Variants in EVC2 observed in about 807,000 individuals in gnomAD.
The protein encoded by EVC2 is limbin.
In EVC2, 148 loss-of-function variants were observed where a neutral mutation model predicts 149.3. The observed-to-expected ratio is 0.99, with a 90% CI of 0.87 to 1.14. The LOEUF (loss-of-function observed/expected upper bound fraction) is 1.14. Ranked by LOEUF, EVC2 falls within the 50% of genes most tolerant of loss-of-function variation. The pLI, the probability that EVC2 is intolerant of heterozygous loss-of-function variation, is 0.00. For missense variants in EVC2, 1,854 were observed against 1,627.3 expected, an observed-to-expected ratio of 1.14 and a Z score of -2.40; for synonymous variants, 776 against 649.9, an observed-to-expected ratio of 1.19 and a Z score of -2.95.
chr4:5,625,785 T>C lies in EVC2; in HGVS notation c.2010A>G (p.Lys670=). The stretch of plus-strand genomic sequence containing the variant: ...ACTCTCGTCTTCTCTTAGTTATTAA[T>C]TTTTGGTGGAGCTTTTTCTTTTCCT... The part of the protein sequence containing the change: ...LKQEKKKLHQ[K]LITKRRRELL... Residue 670 remains lysine, a synonymous_variant, in exon 13 of 22, where the codon AAA becomes AAG. Coordinates refer to ENST00000344408, the MANE Select transcript of EVC2 (RefSeq NM_147127.5). This position sits in a 1 kb window ranked among gnomAD's most constrained non-coding sequence, Gnocchi z 4.0. 1 of 1,614,110 alleles carries C rather than the reference T, an allele frequency of 6.2e-7. No homozygotes were observed. Among genetic ancestry groups the C allele is most frequent in the Non-Finnish European group, 8.5e-7 (1 of 1,179,998 alleles).
chr4:5,662,238 T>G (rs1195490351), intron 9 of EVC2, among the ~76,000 whole-genome samples: 2 of 152,012 alleles, frequency 1.3e-5, no homozygotes, highest in Non-Finnish European at 2.9e-5. Context: ...CTTGGAAAGC[T>G]TCTTCATAAG....
chr4:5,649,214 T>C (rs1353381288), intron 9 of EVC2, among the ~76,000 whole-genome samples: 2 of 152,216 alleles, frequency 1.3e-5, no homozygotes, highest in Non-Finnish European at 2.9e-5. Flanking sequence ...ATTTGTTTTT[T>C]TGAGGTCACA....
intron 6 of EVC2, 130 bp downstream of exon 6, chr4:5,685,240 C>A (rs957726): frequency 1.1e-6 from 1 of 896,854 alleles, no homozygotes; most frequent in Non-Finnish European, 1.8e-6. Flanking sequence ...AGGGCCTATG[C>A]CCTTATCTGC....
chr4:5,565,383 T>A, intron 20 of EVC2, 24 bp from the exon 21 acceptor site: 5 of 1,611,616 alleles, frequency 3.1e-6, no homozygotes, highest in Non-Finnish European at 4.2e-6. Flanking sequence ...GGGAGTCTTA[T>A]AGTTTCAAAA....
chr4:5,631,218 C>T (rs952191113), intron 11 of EVC2, among the ~76,000 whole-genome samples: 1 of 152,144 alleles, frequency 6.6e-6, no homozygotes, highest in African/African-American at 2.4e-5. Context: ...TACATGCACA[C>T]ATACATGCAT....
chr4:5,689,409 T>C (rs1720953450), intron 4 of EVC2, 66 bp from the exon 5 acceptor site: 1 of 1,546,350 alleles, frequency 6.5e-7, no homozygotes, highest in Non-Finnish European at 8.9e-7. Context: ...AAATGGGGCA[T>C]GAGCCCAGCC....
Position 5,663,211 on chromosome 4 carries a change from C to T in EVC2, c.1041G>A (p.Pro347=), listed in dbSNP as rs778170817. The change falls in exon 9 of 22, where the codon CCG becomes CCA. Residue 347 remains proline (P), a synonymous_variant. Transcript: ENST00000344408. ...CATTCACGCCATCAGCTGAGGTGAA[C>T]GGCAAGGGTTCCAGCTTGCTCTCAT... ...WQYESKLEPL[P]FTSADGVNED... is the part of the protein sequence containing the mutation. The T allele has an allele frequency of 3.8e-5, 61 of 1,613,980 alleles. No individual in the cohort carries two copies. The highest frequency in any genetic ancestry group is 8.9e-5 in the East Asian group (4 of 44,884).
At chr4:5,564,853 T>G (rs1722173158) in intron 21 of EVC2, among the ~76,000 whole-genome samples, 1 of 152,200 alleles carries the variant, frequency 6.6e-6, no homozygotes, top group Non-Finnish European at 1.5e-5. Context: ...TCATGACCAC[T>G]GTTTACCAGC....
chr4:5,701,611 C>CT (rs766802024), intron 1 of EVC2, among the ~76,000 whole-genome samples: 2 of 152,174 alleles, frequency 1.3e-5, no homozygotes, highest in Non-Finnish European at 2.9e-5. Context: ...CTGAGGTGAG[C>CT]TCATCCAGGC....
chr4:5,612,796 C>A (rs1366717891), intron 16 of EVC2, among the ~76,000 whole-genome samples: 3 of 151,656 alleles, frequency 2.0e-5, no homozygotes, highest in Non-Finnish European at 2.9e-5. Flanking sequence ...GTAGCGGGCG[C>A]CTGTAGTCCC....
At chr4:5,644,249 T>C (rs913895748) in intron 9 of EVC2, among the ~76,000 whole-genome samples, 6 of 152,236 alleles carry the variant, frequency 3.9e-5, no homozygotes, top group Admixed American at 2.6e-4. Flanking sequence ...CCTTCTTTTT[T>C]TGAGTGACCT....
the EVC2 span, among the ~76,000 whole-genome samples, chr4:5,529,785 G>A: frequency 6.6e-6 from 1 of 150,684 alleles, no homozygotes; most frequent in African/African-American, 2.4e-5. The surrounding 1 kb of genome is among the most constrained non-coding windows in gnomAD (Gnocchi z 4.5). Context: ...TGATGATACA[G>A]AAATGGGAAG....
intron 16 of EVC2, among the ~76,000 whole-genome samples, chr4:5,599,048 A>G (rs1036273944): frequency 6.6e-6 from 1 of 152,062 alleles, no homozygotes; most frequent in African/African-American, 2.4e-5. Context: ...TTAGAATGGC[A>G]ATCATTAAAA....
intron 16 of EVC2, among the ~76,000 whole-genome samples, chr4:5,606,604 C>G (rs1476770183): frequency 6.6e-6 from 1 of 152,030 alleles, no homozygotes; most frequent in Non-Finnish European, 1.5e-5. Context: ...ATTTACAATG[C>G]CCAGCATCCA....
intron 9 of EVC2, among the ~76,000 whole-genome samples, chr4:5,658,542 T>C (rs1272228814): frequency 6.6e-6 from 1 of 152,246 alleles, no homozygotes; most frequent in African/African-American, 2.4e-5. Context: ...AGAGGTAATG[T>C]TGGTAGCATC....
chr4:5,600,337 T>C (rs949908480), intron 16 of EVC2, among the ~76,000 whole-genome samples: 1 of 152,198 alleles, frequency 6.6e-6, no homozygotes, highest in Non-Finnish European at 1.5e-5. Context: ...CATTATTACA[T>C]AGGATTTCTT....
chr4:5,556,094 G>C (rs1721832724), intron 21 of EVC2, among the ~76,000 whole-genome samples: 1 of 138,684 alleles, frequency 7.2e-6, no homozygotes, highest in Non-Finnish European at 1.5e-5. Context: ...CAGGAGAATT[G>C]CTTGAAGCCA....
At chr4:5,624,138 A>G (rs1715933712) in intron 13 of EVC2, among the ~76,000 whole-genome samples, 1 of 152,158 alleles carries the variant, frequency 6.6e-6, no homozygotes, top group African/African-American at 2.4e-5. Context: ...AGAAATGGGG[A>G]AAGAACCTGC....
rs547019353 is a variant in EVC2 at position 5,613,940 on chromosome 4, G to A, written c.2829+1482C>T. ...GCTCTTGGCGAGATCGTGCATTCGT[G>A]TTCTGAGAAATACACCGGCACTAAA... On this transcript the variant is annotated intron_variant, in intron 16 of 21. Coordinates refer to ENST00000344408, the MANE Select transcript of EVC2 (RefSeq NM_147127.5). The surrounding 1 kb of genome is among the most constrained non-coding windows in gnomAD (Gnocchi z 4.6). Among the ~76,000 whole-genome samples the A allele has an allele frequency of 5.3e-5, 8 of 152,246 alleles. No individual in the cohort carries two copies. The highest frequency in any genetic ancestry group is 1.9e-4 in the East Asian group (1 of 5,168).
Sources: gnomAD v4.1 joint callset for allele counts (sites outside exome capture counted in the v4.1 genomes callset) on GRCh38, gnomAD v4.1.1 for gene constraint, Gnocchi (gnomAD v3.1) non-coding constraint, MANE v1.5 for transcripts, NCBI Gene and HGNC (gene_info 2026-07-23, HGNC 2026-07-21) for gene names.